CIROP: variants seen among roughly 807,000 people sequenced by gnomAD.
The protein encoded by CIROP is leishmanolysin homolog.
At chr14:23,103,331 T>C in the CIROP span, 9 of 369,218 alleles carry the variant, frequency 2.4e-5, no homozygotes, top group Non-Finnish European at 3.4e-5. Flanking sequence ...GGCAGATTGC[T>C]TGAGCCCAAG....
At chr14:23,104,366 G>A in the CIROP span, 2 of 702,500 alleles carry the variant, frequency 2.8e-6, no homozygotes, top group South Asian at 1.5e-5. Context: ...TACATACATT[G>A]TCAACGACGT....
the CIROP span, chr14:23,104,398 G>A: frequency 1.4e-6 from 1 of 702,922 alleles, no homozygotes; most frequent in Non-Finnish European, 2.6e-6. Context: ...TGGTAGTTTG[G>A]GCTATCTGGG....
chr14:23,104,619 C>T, the CIROP span: 5 of 702,186 alleles, frequency 7.1e-6, no homozygotes, highest in Non-Finnish European at 1.3e-5. Context: ...AGCCTGGATT[C>T]GCTGAGTGGC....
the CIROP span, chr14:23,101,119 C>T: frequency 2.5e-6 from 1 of 401,848 alleles, no homozygotes; most frequent in Non-Finnish European, 4.4e-6. Flanking sequence ...TTTGCCTTAC[C>T]TGTTCAAGTC....
At chr14:23,103,868 A>T in the CIROP span, 5 of 685,730 alleles carry the variant, frequency 7.3e-6, no homozygotes, top group African/African-American at 1.8e-5. Context: ...AACAGTAGGA[A>T]ATTGGGTATG....
chr14:23,104,848 G>A, the CIROP span: 7 of 702,244 alleles, frequency 1.0e-5, no homozygotes, highest in African/African-American at 1.2e-4. Context: ...GTCTCATCAT[G>A]TAGACATCGG....
chr14:23,103,109 TAGA>T, the CIROP span: 188 of 453,282 alleles, frequency 4.1e-4, no homozygotes, highest in Non-Finnish European at 6.2e-4. Context: ...GTAGCACAAG[TAGA>T]AGAAGTCCTC....
chr14:23,102,463 G>T, the CIROP span: 2 of 702,550 alleles, frequency 2.8e-6, no homozygotes, highest in Non-Finnish European at 5.2e-6. Flanking sequence ...CTTGTCACTA[G>T]TTGCCTTGTA....
chr14:23,102,350 T>C, the CIROP span: 3 of 702,138 alleles, frequency 4.3e-6, no homozygotes, highest in South Asian at 4.4e-5. Context: ...TCACCTCTTC[T>C]TCCAAGGGAA....
At chr14:23,103,050 G>A in the CIROP span, 1 of 541,918 alleles carries the variant, frequency 1.8e-6, no homozygotes, top group East Asian at 2.9e-5. Flanking sequence ...TATGACAGAG[G>A]GCTGTGGATG....
the CIROP span, chr14:23,104,216 A>G: frequency 1.6e-6 from 1 of 620,074 alleles, no homozygotes; most frequent in Non-Finnish European, 2.9e-6. Context: ...TTTTTTCAAG[A>G]TTTCAGTGTT....
At chr14:23,102,619 T>C in the CIROP span, 1 of 703,044 alleles carries the variant, frequency 1.4e-6, no homozygotes, top group Non-Finnish European at 2.6e-6. Flanking sequence ...ACCTCATTCC[T>C]CTCATTTACC....
the CIROP span, chr14:23,099,394 C>G: frequency 4.8e-5 from 20 of 413,224 alleles, no homozygotes; most frequent in Non-Finnish European, 8.0e-5. Flanking sequence ...GGCTGTGGTT[C>G]CCATTACACC....
chr14:23,102,763 G>T, the CIROP span: 2 of 702,604 alleles, frequency 2.8e-6, no homozygotes, highest in South Asian at 3.0e-5. Flanking sequence ...CAGCAGGATT[G>T]ACCAAACACT....
the CIROP span, chr14:23,103,513 C>T: frequency 4.3e-4 from 248 of 577,862 alleles, no homozygotes; most frequent in African/African-American, 3.7e-3. Flanking sequence ...GTGATTGGGC[C>T]GCTGTACTCC....
At chr14:23,104,798 T>C in the CIROP span, 11 of 701,088 alleles carry the variant, frequency 1.6e-5, no homozygotes, top group Non-Finnish European at 2.6e-5. Flanking sequence ...TTGAGGGGAG[T>C]TGGGAGAAAG....
At chr14:23,102,576 G>A in the CIROP span, 1 of 702,032 alleles carries the variant, frequency 1.4e-6, no homozygotes, top group Non-Finnish European at 2.6e-6. Flanking sequence ...ATGAGATAGT[G>A]AATTTCCTCT....
the CIROP span, chr14:23,101,223 A>G: frequency 4.5e-6 from 2 of 445,134 alleles, no homozygotes; most frequent in East Asian, 3.2e-5. Flanking sequence ...GTTGGACAGT[A>G]CCACCATACA....
chr14:23,102,822 C>A, the CIROP span: 6 of 663,832 alleles, frequency 9.0e-6, no homozygotes, highest in South Asian at 8.1e-5. Flanking sequence ...GAGGCACCTT[C>A]TATTCCATCC....
Sources: gnomAD v4.1 joint callset for allele counts on GRCh38, gnomAD v4.1.1 for gene constraint, MANE v1.5 for transcripts, NCBI Gene and HGNC (gene_info 2026-07-23, HGNC 2026-07-21) for gene names.